The following ANKFY1 variants were observed in gnomAD, a reference collection of about 807,000 sequenced individuals.
ANKFY1 encodes ankyrin repeat and FYVE domain containing 1.
A neutral mutation model predicts 128.3 loss-of-function variants in ANKFY1; 47 were observed. The ratio of observed to expected loss-of-function variants is 0.37; its 90% CI spans 0.29 to 0.47. ANKFY1 has a LOEUF of 0.47. Ranked by LOEUF, ANKFY1 falls within the 20% of genes least tolerant of loss-of-function variation. The pLI is 1.00. For synonymous variants in ANKFY1, 553 were observed against 601.6 expected (o/e 0.92, Z 1.18); for missense variants, 1,222 against 1,510.6 (o/e 0.81, Z 3.17).
rs951052408 is a variant in ANKFY1 at position 4,166,309 on chromosome 17, T to C, written c.*1470A>G. 6.6e-6 allele frequency: 1 copy of C among 152,504 alleles called. No homozygotes were observed. Among genetic ancestry groups the C allele is most frequent in the Admixed American group, 6.5e-5 (1 of 15,276 alleles). 9.4% of individuals were successfully genotyped at this position (152,504 alleles called of 1,614,324 possible). ...AAAATATTTAGTCCCTTTACACATA[T>C]AGTCAAACTTCATTAATGCAAAAAA... On this transcript the variant is annotated 3_prime_UTR_variant, in exon 25 of 25. Transcript: ENST00000341657.
intron 14 of ANKFY1, among the ~76,000 whole-genome samples, chr17:4,182,887 C>T (rs959895859): frequency 1.3e-5 from 2 of 152,126 alleles, no homozygotes; most frequent in African/African-American, 4.8e-5. Context: ...AGGCAGATCA[C>T]TTGAGGTCAG....
chr17:4,252,338 G>A (rs939379485), intron 1 of ANKFY1, among the ~76,000 whole-genome samples: 4 of 152,148 alleles, frequency 2.6e-5, no homozygotes, highest in Non-Finnish European at 5.9e-5. Flanking sequence ...AGGCTGAGGC[G>A]GGAGAACAGC....
rs565461080 is a variant in ANKFY1 at position 4,257,364 on chromosome 17, C to T, written c.10+6568G>A. ...CACACAATTCCTGTTCTGTCGCTAC[C>T]GTGGCTGATTCCTTTCGGTAGTATC... On this transcript the variant is annotated intron_variant, in intron 1 of 24. Coordinates refer to ENST00000341657, the MANE Select transcript of ANKFY1 (RefSeq NM_001330063.2). 8.5e-4 allele frequency among the ~76,000 whole-genome samples: 123 copies of T among 144,596 alleles called. 3 individuals carry two copies. In the East Asian group the frequency reaches 0.017, roughly 20 times the overall value. 94.9% of individuals were successfully genotyped at this position (144,596 alleles called of 152,430 possible).
Position 4,223,898 on chromosome 17 carries a change from C to T in ANKFY1, c.323-6780G>A, listed in dbSNP as rs543992992. On this transcript the variant is annotated intron_variant, in intron 3 of 24. Transcript: ENST00000341657. The stretch of plus-strand genomic sequence containing the variant: ...CATGGATGCTTTGTATCTAACACCA[C>T]GCCAACAGAAGCACATTTGTCTTCC... 1.2e-4 allele frequency: 79 copies of T among 666,932 alleles called. 1 individual carries two copies. The highest frequency in any genetic ancestry group is 6.7e-4 in the South Asian group (34 of 50,442). The allele number at this position is 666,932 out of a possible 1,614,324, so 41.3% of individuals were successfully genotyped here.
At chr17:4,244,698 T>TTTGCTTCCCCC (rs1967438471) in intron 1 of ANKFY1, among the ~76,000 whole-genome samples, 1 of 152,010 alleles carries the variant, frequency 6.6e-6, no homozygotes, top group African/African-American at 2.4e-5. Context: ...CCATCTCCCC[T>TTTGCTTCCCCC]TTGCTTCCTC....
chr17:4,176,938 C>T (rs1029656614), intron 19 of ANKFY1, among the ~76,000 whole-genome samples, 188 bp downstream of exon 19: 3 of 152,218 alleles, frequency 2.0e-5, no homozygotes, highest in East Asian at 1.9e-4. Context: ...TGGCAGCCCA[C>T]GCAGCCCAGT....
At chr17:4,196,195 C>A (rs868518424) in intron 8 of ANKFY1, among the ~76,000 whole-genome samples, 5 of 138,168 alleles carry the variant, frequency 3.6e-5, no homozygotes, top group Admixed American at 2.3e-4. Flanking sequence ...ACACACACTG[C>A]GAGTTTATTG....
intron 1 of ANKFY1, among the ~76,000 whole-genome samples, chr17:4,243,048 T>C (rs1314622869): frequency 6.6e-6 from 1 of 152,112 alleles, no homozygotes; most frequent in East Asian, 1.9e-4. Flanking sequence ...TTAATCTCTC[T>C]CTCTTTTTTT....
intron 1 of ANKFY1, chr17:4,249,188 G>A: frequency 1.1e-6 from 1 of 886,602 alleles, no homozygotes; most frequent in Non-Finnish European, 1.4e-6. Context: ...TTCCGTACAG[G>A]GCCACATAGC....
intron 10 of ANKFY1, among the ~76,000 whole-genome samples, chr17:4,193,506 C>A (rs1279081300): frequency 6.9e-6 from 1 of 145,058 alleles, no homozygotes; most frequent in Non-Finnish European, 1.5e-5. Context: ...TGGCTCACTG[C>A]AACCTCCGCT....
chr17:4,257,773 G>A (rs904211655), intron 1 of ANKFY1, among the ~76,000 whole-genome samples: 1 of 152,126 alleles, frequency 6.6e-6, no homozygotes, highest in South Asian at 2.1e-4. Flanking sequence ...CTGGCTATTC[G>A]TATTTAACTA....
chr17:4,232,449 G>C (rs1307900272), intron 3 of ANKFY1, among the ~76,000 whole-genome samples: 2 of 152,122 alleles, frequency 1.3e-5, no homozygotes, highest in East Asian at 3.8e-4. Context: ...ACATTTCAAA[G>C]ATACATTTCA....
rs556985687 is a variant in ANKFY1, at chr17:4,201,569, G to A, written c.899-3992C>T. Among the ~76,000 whole-genome samples the A allele has an allele frequency of 2.0e-5, 3 of 151,864 alleles. No individual in the cohort carries two copies. In the South Asian group the frequency reaches 6.2e-4, roughly 31 times the overall value. Reference sequence around the variant, plus strand: ...TTTGAGAAGAAAATGGATTTGACTGGTTAGGGCTATTGGGTTCTACTTTAT... The same window carrying A: ...TTTGAGAAGAAAATGGATTTGACTGATTAGGGCTATTGGGTTCTACTTTAT... On this transcript the variant is annotated intron_variant, in intron 7 of 24. Transcript: ENST00000341657.
At chr17:4,170,103 C>T (rs549663190) in intron 23 of ANKFY1, among the ~76,000 whole-genome samples, 5 of 152,342 alleles carry the variant, frequency 3.3e-5, no homozygotes, top group South Asian at 2.1e-4. Flanking sequence ...AACCCGACTC[C>T]ACCACAGACC....
intron 10 of ANKFY1, 140 bp from the exon 11 acceptor site, chr17:4,189,619 G>A (rs375624182): frequency 4.1e-5 from 30 of 730,442 alleles, no homozygotes; most frequent in Admixed American, 7.5e-5. Context: ...GTAGGCCCAC[G>A]CCAGACAGTA....
At chr17:4,168,133 G>GT in intron 24 of ANKFY1, 6 of 348,588 alleles carry the variant, frequency 1.7e-5, no homozygotes, top group South Asian at 1.6e-4. Flanking sequence ...ACTGAAGAAG[G>GT]CTTTTTTTTT....
At chr17:4,170,688 T>C (rs2059300543) in intron 23 of ANKFY1, 27 bp downstream of exon 23, 2 of 1,591,078 alleles carry the variant, frequency 1.3e-6, no homozygotes, top group Non-Finnish European at 1.7e-6. Context: ...GTGCTTGCAC[T>C]GTGAGAGCAG....
In ANKFY1 at chr17:4,173,865, A is replaced by T. The variant is rs775001611; in HGVS notation, c.2923+44T>A. 3 of 1,589,464 alleles carry T rather than the reference A, an allele frequency of 1.9e-6. 1 individual carries two copies. Among genetic ancestry groups the T allele is most frequent in the Middle Eastern group, 3.4e-4 (2 of 5,968 alleles). On this transcript the variant is annotated intron_variant, in intron 20 of 24. Coordinates refer to ENST00000341657, the MANE Select transcript of ANKFY1 (RefSeq NM_001330063.2). ...GGGTGCACTGCACCCCCACCCCTAG[A>T]ATGGAGGGATCGTTCAAGCCACTAA... is the stretch of plus-strand genomic sequence containing the variant.
In ANKFY1 at chr17:4,192,260, C is replaced by G. The variant is rs562448059; in HGVS notation, c.1372+2718G>C. ...TGATGGTTGCTCTAATCTGGAGACTCCTAGTTGATGGTTACTCTAATCTGG... is the reference window on the plus strand; with the variant it reads ...TGATGGTTGCTCTAATCTGGAGACTGCTAGTTGATGGTTACTCTAATCTGG... On this transcript the variant is annotated intron_variant, in intron 10 of 24. Transcript: ENST00000341657. Among the ~76,000 whole-genome samples the G allele has an allele frequency of 2.8e-5, 4 of 143,848 alleles. No homozygotes were observed. In the South Asian group the frequency reaches 9.1e-4, roughly 33 times the overall value. The allele number at this position is 143,848 out of a possible 152,430, so 94.4% of individuals were successfully genotyped here.
Sources: allele counts gnomAD v4.1 joint callset (sites outside exome capture counted in the v4.1 genomes callset), GRCh38; gene constraint gnomAD v4.1.1; transcripts MANE v1.5; gene names NCBI Gene and HGNC (gene_info 2026-07-23, HGNC 2026-07-21).